The following TBX20 variants were observed in gnomAD, a reference collection of about 807,000 sequenced individuals.
TBX20 encodes T-box transcription factor TBX20.
TBX20 carries 8 observed loss-of-function variants against 42.9 expected under a neutral mutation model. The observed-to-expected ratio is 0.19, with a 90% CI of 0.11 to 0.34. The LOEUF is 0.34. Among genes scored for constraint, TBX20 ranks in the 10% least tolerant of loss-of-function variants. TBX20 has a pLI of 1.00. For synonymous variants in TBX20, 198 were observed against 222.8 expected, an observed-to-expected ratio of 0.89 and a Z score of 0.99; for missense variants, 411 against 566.0, an observed-to-expected ratio of 0.73 and a Z score of 2.78.
intron 6 of TBX20, among the ~76,000 whole-genome samples, chr7:35,219,121 G>C (rs1226968357): frequency 6.6e-6 from 1 of 152,124 alleles, no homozygotes; most frequent in Non-Finnish European, 1.5e-5. Context: ...ATCCCTCCAA[G>C]CAGAGGTGAT....
At position 35,253,831 on chromosome 7, in the gene TBX20, G is replaced by T. The variant is rs987364379; in HGVS notation, c.-211C>A. ...AAAGCCCCAGAGCCGCAGAGACTTC[G>T]AAGGCAGCCGGAGAGGAGAGGGCCC... is the stretch of plus-strand genomic sequence containing the variant. On this transcript the variant is annotated 5_prime_UTR_variant, in exon 1 of 8. Coordinates refer to ENST00000408931, the MANE Select transcript of TBX20 (RefSeq NM_001077653.2). 1.5e-5 allele frequency: 9 copies of T among 618,720 alleles called. No homozygotes were observed. The highest frequency in any genetic ancestry group is 2.5e-5 in the Non-Finnish European group (9 of 366,350). 38.3% of individuals were successfully genotyped at this position (618,720 alleles called of 1,614,324 possible).
At chr7:35,236,582 G>A (rs570307304) in intron 5 of TBX20, among the ~76,000 whole-genome samples, 1 of 152,258 alleles carries the variant, frequency 6.6e-6, no homozygotes, top group African/African-American at 2.4e-5. Flanking sequence ...CTGCACATAT[G>A]TTTACTGAGC....
chr7:35,210,571 T>C (rs976551733), intron 6 of TBX20, among the ~76,000 whole-genome samples: 2 of 152,070 alleles, frequency 1.3e-5, no homozygotes, highest in South Asian at 2.1e-4. Context: ...TATTTGTCTG[T>C]TTTTTTATAC....
chr7:35,253,168 T>C (rs958493284), intron 1 of TBX20, among the ~76,000 whole-genome samples: 1 of 152,240 alleles, frequency 6.6e-6, no homozygotes, highest in African/African-American at 2.4e-5. Context: ...TAAATCCTGT[T>C]GAGCCTTAAA....
chr7:35,240,821 T>C, intron 5 of TBX20, 58 bp downstream of exon 5: 1 of 1,507,770 alleles, frequency 6.6e-7, no homozygotes, highest in Non-Finnish European at 9.2e-7. Flanking sequence ...CAAGAAAATA[T>C]AAGAACCTCC....
chr7:35,236,016 TA>T (rs1410635627), intron 5 of TBX20, among the ~76,000 whole-genome samples: 3 of 152,100 alleles, frequency 2.0e-5, no homozygotes, highest in Non-Finnish European at 2.9e-5. Flanking sequence ...CTTTCAATCT[TA>T]AATTATAAAA....
chr7:35,249,267 C>T lies in TBX20; in HGVS notation c.381-426G>A, dbSNP rs2128716039. ...AACTCTGCTCTTGCAAAATAAAAGC[C>T]AAAAGCAGAGGTTTCTGGGAAGGAT... On this transcript the variant is annotated intron_variant, in intron 2 of 7. Transcript: ENST00000408931. This position sits in a 1 kb window ranked among gnomAD's most constrained non-coding sequence, Gnocchi z 4.3. Among the ~76,000 whole-genome samples, 1 of 152,332 alleles carries T rather than the reference C, an allele frequency of 6.6e-6. No homozygotes were observed. Among genetic ancestry groups the T allele is most frequent in the East Asian group, 1.9e-4 (1 of 5,170 alleles).
chr7:35,211,664 G>A (rs547065944), intron 6 of TBX20, among the ~76,000 whole-genome samples: 1 of 152,114 alleles, frequency 6.6e-6, no homozygotes, highest in East Asian at 1.9e-4. Context: ...AGACACTTTT[G>A]ACTTATGATA....
intron 3 of TBX20, among the ~76,000 whole-genome samples, chr7:35,247,010 C>CT (rs1331309970): frequency 6.6e-6 from 1 of 151,846 alleles, no homozygotes; most frequent in Non-Finnish European, 1.5e-5. Flanking sequence ...TTGGTACACA[C>CT]TTTTTTTCTC....
rs1489623741 is a variant in TBX20, at chr7:35,231,522, C to T, written c.872G>A (p.Arg291Lys). Reference protein sequence around the residue: ...PFAKGFRDSSRLTDIERESVE... With the variant: ...PFAKGFRDSSKLTDIERESVE... The stretch of plus-strand genomic sequence containing the variant: ...TCATTACCTCTCAATGTCAGTGAGC[C>T]TGGAGGAATCCCGGAATCCTTTGGC... The change falls in exon 6 of 8, where the codon AGG (arginine) becomes AAG (lysine). Residue 291 changes from arginine to lysine, a missense_variant. Coordinates refer to ENST00000408931, the MANE Select transcript of TBX20 (RefSeq NM_001077653.2). The T allele has an allele frequency of 1.9e-6, 3 of 1,613,338 alleles. No individual in the cohort carries two copies. The African/African-American group carries it at 4.0e-5, about 22-fold the overall frequency.
In TBX20 at chr7:35,253,582, A is replaced by G. The variant is rs336283; in HGVS notation, c.39T>C (p.Ser13=). 0.69 allele frequency: 1,110,109 copies of G among 1,612,034 alleles called. 384,616 individuals carry two copies. The highest frequency in any genetic ancestry group is 0.86 in the African/African-American group (64,341 of 74,966). The change falls in exon 1 of 8, where the codon TCT becomes TCC. Residue 13 remains serine (S), a synonymous_variant. Coordinates refer to ENST00000408931, the MANE Select transcript of TBX20 (RefSeq NM_001077653.2). The part of the protein sequence containing the change: ...FTASPKPQLS[S]RANAFSIAAL... ...CGGCAATGGAGAAGGCGTTGGCCCG[A>G]GAGGAGAGTTGGGGCTTGGGGGACG...
At chr7:35,242,156 T>A (rs1790095847) in intron 4 of TBX20, among the ~76,000 whole-genome samples, 1 of 152,218 alleles carries the variant, frequency 6.6e-6, no homozygotes, top group Non-Finnish European at 1.5e-5. Context: ...GCAAGGGGCA[T>A]GAGTGTTTCT....
rs2128715945 is a variant in TBX20, at chr7:35,248,748, CTTG to C, written c.471_473del (p.Asn157del). 6.2e-7 allele frequency: 1 copy of C among 1,614,136 alleles called. No homozygotes were observed. The highest frequency in any genetic ancestry group is 8.5e-7 in the Non-Finnish European group (1 of 1,180,022). On this transcript the variant is annotated inframe_deletion, in exon 3 of 8. Coordinates refer to ENST00000408931, the MANE Select transcript of TBX20 (RefSeq NM_001077653.2). ...ACCGGTGGTAGGCGTAGCGGTACCT[CTTG>C]TTGTCCACAGGGACGATGTCCATCA...
At chr7:35,204,901 G>A (rs1455077899) in intron 6 of TBX20, among the ~76,000 whole-genome samples, 13 of 152,122 alleles carry the variant, frequency 8.5e-5, no homozygotes, top group Admixed American at 8.5e-4. Context: ...ATTCCATGAT[G>A]TGAAAAATAA....
chr7:35,216,646 A>G (rs1789596269), intron 6 of TBX20, among the ~76,000 whole-genome samples: 1 of 152,200 alleles, frequency 6.6e-6, no homozygotes, highest in Non-Finnish European at 1.5e-5. Flanking sequence ...ATCATTTTAG[A>G]TGAAACTGAG....
intron 6 of TBX20, among the ~76,000 whole-genome samples, chr7:35,214,350 A>C (rs1242371091): frequency 6.6e-6 from 1 of 152,188 alleles, no homozygotes; most frequent in East Asian, 1.9e-4. Flanking sequence ...GAGAAATGTT[A>C]AGCTCTAGTG....
intron 6 of TBX20, among the ~76,000 whole-genome samples, chr7:35,221,639 A>T (rs1254333053): frequency 1.3e-5 from 2 of 152,224 alleles, no homozygotes; most frequent in African/African-American, 4.8e-5. Context: ...ATGTTCATAC[A>T]TAACGGCAAT....
At chr7:35,234,179 T>C (rs1789919386) in intron 5 of TBX20, among the ~76,000 whole-genome samples, 1 of 152,366 alleles carries the variant, frequency 6.6e-6, no homozygotes, top group Middle Eastern at 3.4e-3. Context: ...ATATGAATCA[T>C]ATCAAGCTTT....
chr7:35,237,352 T>C (rs1368530193), intron 5 of TBX20, among the ~76,000 whole-genome samples: 1 of 151,472 alleles, frequency 6.6e-6, no homozygotes, highest in Non-Finnish European at 1.5e-5. Context: ...GGGCAGTTGG[T>C]CTATCCTGAA....
Sources: gnomAD v4.1 joint callset for allele counts (sites outside exome capture counted in the v4.1 genomes callset) on GRCh38, gnomAD v4.1.1 for gene constraint, Gnocchi (gnomAD v3.1) non-coding constraint, MANE v1.5 for transcripts, NCBI Gene and HGNC (gene_info 2026-07-23, HGNC 2026-07-21) for gene names.